DCC: variants seen among roughly 807,000 people sequenced by gnomAD.
DCC encodes DCC netrin 1 receptor.
DCC carries 58 observed loss-of-function variants against 172.5 expected under a neutral mutation model. The ratio of observed to expected loss-of-function variants is 0.34; its 90% CI spans 0.27 to 0.42. The LOEUF is 0.42. Among genes scored for constraint, DCC ranks in the 10% least tolerant of loss-of-function variants. DCC has a pLI of 1.00. For missense variants in DCC, 1,740 were observed against 1,791.0 expected (o/e 0.97, Z 0.51); for synonymous variants, 709 against 644.5 (o/e 1.10, Z -1.52).
intron 21 of DCC, among the ~76,000 whole-genome samples, chr18:53,417,465 G>T (rs968912220): frequency 6.6e-6 from 1 of 152,022 alleles, no homozygotes; most frequent in Non-Finnish European, 1.5e-5. Flanking sequence ...AAATATTAAT[G>T]ATGAGTAATT....
chr18:53,342,023 A>G (rs2057665214), intron 15 of DCC, among the ~76,000 whole-genome samples: 2 of 152,126 alleles, frequency 1.3e-5, no homozygotes, highest in South Asian at 2.1e-4. Flanking sequence ...AGTGAATTAA[A>G]GTAAGTTTAA....
rs76915361 is a variant in DCC, at chr18:52,363,825, C to T, written c.91+22947C>T. Among the ~76,000 whole-genome samples the T allele has an allele frequency of 1.7e-4, 26 of 152,288 alleles. No individual in the cohort carries two copies. In the East Asian group the frequency reaches 4.6e-3, roughly 27 times the overall value. ...CATTCTGATTGGTGAGTGACTATGC[C>T]AATCAGCTCCTAAAAGTCCTCCTTC... is the stretch of plus-strand genomic sequence containing the variant. On this transcript the variant is annotated intron_variant, in intron 1 of 28. Coordinates refer to ENST00000442544, the MANE Select transcript of DCC (RefSeq NM_005215.4).
At chr18:52,432,540 A>AAAAC (rs905126961) in intron 1 of DCC, among the ~76,000 whole-genome samples, 1 of 152,188 alleles carries the variant, frequency 6.6e-6, no homozygotes, top group Non-Finnish European at 1.5e-5. Context: ...TTATTAAAGA[A>AAAAC]AAACAAATAA....
intron 2 of DCC, among the ~76,000 whole-genome samples, chr18:52,827,061 C>T (rs1008113077): frequency 1.2e-4 from 19 of 152,258 alleles, no homozygotes; most frequent in African/African-American, 4.1e-4. Context: ...ATAGCCCGGA[C>T]TTGAGCATCC....
rs2057065631 is a variant in DCC at position 53,296,181 on chromosome 18, C to T, written c.1912-9397C>T. ...TCTTGGCATTGCTACTGTACGTGGT[C>T]TTGCTTCCTTCCTTCCTGCTGTTTT... On this transcript the variant is annotated intron_variant, in intron 12 of 28. Coordinates refer to ENST00000442544, the MANE Select transcript of DCC (RefSeq NM_005215.4). 2.0e-5 allele frequency among the ~76,000 whole-genome samples: 3 copies of T among 152,100 alleles called. No homozygotes were observed. In the South Asian group the frequency reaches 6.2e-4, roughly 32 times the overall value.
chr18:53,356,529 G>A lies in DCC; in HGVS notation c.2359+16622G>A, dbSNP rs150729758. ...AGATGTTACTAGAGTACTGGGGATA[G>A]TTTGTGCCACTACTGAGACAATACC... is the stretch of plus-strand genomic sequence containing the variant. On this transcript the variant is annotated intron_variant, in intron 15 of 28. Coordinates refer to ENST00000442544, the MANE Select transcript of DCC (RefSeq NM_005215.4). 7.9e-3 allele frequency among the ~76,000 whole-genome samples: 1,203 copies of A among 152,242 alleles called. 15 individuals are homozygous for A. The highest frequency in any genetic ancestry group is 0.011 in the Non-Finnish European group (747 of 68,000).
At chr18:53,301,976 C>T (rs924176363) in intron 12 of DCC, among the ~76,000 whole-genome samples, 1 of 152,112 alleles carries the variant, frequency 6.6e-6, no homozygotes, top group South Asian at 2.1e-4. Flanking sequence ...AGCTAGAAGT[C>T]CAAGATCAAT....
intron 2 of DCC, among the ~76,000 whole-genome samples, chr18:52,820,411 ATTT>A (rs893653794): frequency 2.0e-5 from 3 of 152,100 alleles, no homozygotes; most frequent in Non-Finnish European, 2.9e-5. Context: ...TTACACATGG[ATTT>A]TTTTATTTAA....
intron 5 of DCC, among the ~76,000 whole-genome samples, chr18:53,060,184 CTGTTGT>C (rs10588873): frequency 6.6e-6 from 1 of 151,218 alleles, no homozygotes; most frequent in Admixed American, 6.6e-5. Context: ...TTATTTGTTG[CTGTTGT>C]TGTTGTTGTT....
intron 5 of DCC, among the ~76,000 whole-genome samples, chr18:52,927,079 GTATATA>G (rs2040220631): frequency 9.2e-6 from 1 of 108,166 alleles, no homozygotes; most frequent in South Asian, 2.9e-4. Flanking sequence ...ACATATATGT[GTATATA>G]CACGTATATA....
At chr18:52,990,631 T>C (rs1457299712) in intron 5 of DCC, among the ~76,000 whole-genome samples, 1 of 151,790 alleles carries the variant, frequency 6.6e-6, no homozygotes, top group Non-Finnish European at 1.5e-5. Context: ...AAATTATCAG[T>C]TTTTTCTTGC....
At chr18:53,055,034 A>G (rs7241819) in intron 5 of DCC, among the ~76,000 whole-genome samples, 7,129 of 152,126 alleles carry the variant, frequency 0.047, 524 homozygotes, top group African/African-American at 0.16. Context: ...CAAAGCGATT[A>G]CTCATCTGCA....
chr18:52,481,260 G>A (rs939753893), intron 1 of DCC, among the ~76,000 whole-genome samples: 131 of 152,244 alleles, frequency 8.6e-4, no homozygotes, highest in African/African-American at 3.0e-3. Context: ...GTAGAGGTGC[G>A]TGCCAGCCTG....
rs555491080 is a variant in DCC, at chr18:53,246,524, G to GA, written c.1911+30937dup. On this transcript the variant is annotated intron_variant, in intron 12 of 28. Coordinates refer to ENST00000442544, the MANE Select transcript of DCC (RefSeq NM_005215.4). ...TGGACTAATGCAGTCACTTAGTGAA[G>GA]AAAAAAAAAACAGGTGAATTAAAAG... 2.1e-3 allele frequency among the ~76,000 whole-genome samples: 301 copies of GA among 143,468 alleles called. 1 individual carries two copies. Among genetic ancestry groups the GA allele is most frequent in the South Asian group, 0.018 (83 of 4,550 alleles). The allele number at this position is 143,468 out of a possible 152,430, so 94.1% of individuals were successfully genotyped here.
intron 5 of DCC, among the ~76,000 whole-genome samples, chr18:52,951,509 C>G (rs2040647043): frequency 6.6e-6 from 1 of 152,138 alleles, no homozygotes; most frequent in Non-Finnish European, 1.5e-5. Context: ...GCTCAACTCT[C>G]ACTTATGAGT....
At chr18:53,095,124 A>G (rs2043067173) in intron 7 of DCC, among the ~76,000 whole-genome samples, 1 of 152,228 alleles carries the variant, frequency 6.6e-6, no homozygotes, top group African/African-American at 2.4e-5. Context: ...ACTCACATTT[A>G]GTACCTCTGA....
At chr18:52,776,805 G>A (rs990968556) in intron 2 of DCC, among the ~76,000 whole-genome samples, 2 of 152,156 alleles carry the variant, frequency 1.3e-5, no homozygotes, top group African/African-American at 4.8e-5. Flanking sequence ...TTTGAGAAAA[G>A]TTTTCTGCAA....
chr18:52,852,664 A>G (rs1743138266), intron 2 of DCC, among the ~76,000 whole-genome samples: 1 of 150,894 alleles, frequency 6.6e-6, no homozygotes, highest in Non-Finnish European at 1.5e-5. Flanking sequence ...TTTTAACCGA[A>G]GAATTCAGGA....
intron 1 of DCC, among the ~76,000 whole-genome samples, chr18:52,522,963 T>C (rs1260289405): frequency 6.6e-6 from 1 of 152,208 alleles, no homozygotes; most frequent in African/African-American, 2.4e-5. Flanking sequence ...CATGTGATAG[T>C]CATGGCCACA....
Sources: gnomAD v4.1 joint callset for allele counts (sites outside exome capture counted in the v4.1 genomes callset) on GRCh38, gnomAD v4.1.1 for gene constraint, MANE v1.5 for transcripts, NCBI Gene and HGNC (gene_info 2026-07-23, HGNC 2026-07-21) for gene names.